The following THSD7A variants were observed in gnomAD, a reference collection of about 807,000 sequenced individuals.
The protein encoded by THSD7A is thrombospondin type 1 domain containing 7A.
Under a neutral mutation model 231.3 loss-of-function variants are expected in THSD7A, and 96 were observed. The ratio of observed to expected loss-of-function variants is 0.41; its 90% confidence interval spans 0.35 to 0.49. The LOEUF is 0.49. THSD7A is among the 20% of genes least tolerant of loss of function. The pLI is 0.05. For synonymous variants in THSD7A, 940 were observed against 743.3 expected, an observed-to-expected ratio of 1.26 and a Z score of -4.30; for missense variants, 2,290 against 2,070.2, an observed-to-expected ratio of 1.11 and a Z score of -2.06.
intron 1 of THSD7A, among the ~76,000 whole-genome samples, chr7:11,767,270 C>T (rs1383735319): frequency 1.2e-4 from 19 of 152,112 alleles, no homozygotes; most frequent in Admixed American, 8.5e-4. Context: ...CCATTTTATT[C>T]GCAACCAAAG....
chr7:11,801,133 C>CA (rs371000577), intron 1 of THSD7A, among the ~76,000 whole-genome samples: 2 of 150,232 alleles, frequency 1.3e-5, no homozygotes, highest in African/African-American at 4.9e-5. Flanking sequence ...GACCCCATTT[C>CA]AAAAAAAATT....
At chr7:11,756,534 G>C (rs1354494459) in intron 1 of THSD7A, among the ~76,000 whole-genome samples, 1 of 152,046 alleles carries the variant, frequency 6.6e-6, no homozygotes, top group East Asian at 1.9e-4. Flanking sequence ...CAGGTCCTCA[G>C]TGACCTGAAC....
At chr7:11,710,088 C>T (rs921561596) in intron 1 of THSD7A, among the ~76,000 whole-genome samples, 1 of 150,494 alleles carries the variant, frequency 6.6e-6, no homozygotes, top group Non-Finnish European at 1.5e-5. Context: ...AGAATAAATG[C>T]TATTTTTTTT....
intron 4 of THSD7A, among the ~76,000 whole-genome samples, chr7:11,580,736 A>T (rs1791121980): frequency 6.6e-6 from 1 of 151,994 alleles, no homozygotes; most frequent in African/African-American, 2.4e-5. Flanking sequence ...GTTTTGGAAG[A>T]TGGAGGGTGG....
At chr7:11,448,368 A>G (rs893393030) in intron 11 of THSD7A, among the ~76,000 whole-genome samples, 6 of 152,262 alleles carry the variant, frequency 3.9e-5, no homozygotes, top group Admixed American at 3.3e-4. Context: ...TTGGTTTTAA[A>G]AACAACTCAC....
chr7:11,607,251 G>A (rs1280465314), intron 2 of THSD7A, among the ~76,000 whole-genome samples: 1 of 151,936 alleles, frequency 6.6e-6, no homozygotes, highest in Non-Finnish European at 1.5e-5. Context: ...CTAATGAATG[G>A]GGTAGGAGGA....
At chr7:11,689,674 G>C (rs1780171143) in intron 1 of THSD7A, among the ~76,000 whole-genome samples, 1 of 151,484 alleles carries the variant, frequency 6.6e-6, no homozygotes, top group Non-Finnish European at 1.5e-5. Flanking sequence ...TTCTCCTTCA[G>C]GCAAGAAAGT....
chr7:11,674,522 C>T (rs910311870), intron 1 of THSD7A, among the ~76,000 whole-genome samples: 16 of 152,048 alleles, frequency 1.1e-4, no homozygotes, highest in African/African-American at 3.6e-4. Flanking sequence ...AAAAACATTG[C>T]TGCAAAAAGC....
chr7:11,602,821 A>G (rs980099136), intron 2 of THSD7A, among the ~76,000 whole-genome samples: 4 of 151,648 alleles, frequency 2.6e-5, no homozygotes, highest in African/African-American at 7.3e-5. Context: ...ATGAATTATT[A>G]CAATACAAGA....
At chr7:11,750,760 G>C (rs142696012) in intron 1 of THSD7A, among the ~76,000 whole-genome samples, 1 of 151,920 alleles carries the variant, frequency 6.6e-6, no homozygotes, top group East Asian at 1.9e-4. Context: ...CTAGTCTAAC[G>C]GCAGAAATAA....
Position 11,447,442 on chromosome 7 carries a change from A to T in THSD7A, c.2606-18T>A. ...AGTAATGGCTAAAAGAAAAGCATAAAGCTGTTATAACAAATTCAAACGTCT... is the reference window on the plus strand; with the variant it reads ...AGTAATGGCTAAAAGAAAAGCATAATGCTGTTATAACAAATTCAAACGTCT... On this transcript the variant is annotated intron_variant, in intron 11 of 27. Transcript: ENST00000423059. The T allele has an allele frequency of 6.6e-7, 1 of 1,510,388 alleles. No homozygotes were observed. The highest frequency in any genetic ancestry group is 2.4e-5 in the Admixed American group (1 of 41,698). The allele number at this position is 1,510,388 out of a possible 1,614,324, so 93.6% of individuals were successfully genotyped here. A position where few individuals can be genotyped will look rare whatever the true frequency, so the allele number is the denominator to read the frequency against.
chr7:11,383,134 T>TAC (rs1782590009), intron 23 of THSD7A, among the ~76,000 whole-genome samples: 1 of 151,774 alleles, frequency 6.6e-6, no homozygotes, highest in South Asian at 2.1e-4. Flanking sequence ...TTTTTCACTA[T>TAC]ACACACACGC....
chr7:11,462,630 T>C (rs1785548633), intron 9 of THSD7A, among the ~76,000 whole-genome samples: 2 of 152,204 alleles, frequency 1.3e-5, no homozygotes. Flanking sequence ...ATGCATAACT[T>C]GTAAATTATT....
intron 4 of THSD7A, among the ~76,000 whole-genome samples, chr7:11,580,713 C>T (rs931085259): frequency 6.6e-6 from 1 of 151,978 alleles, no homozygotes; most frequent in African/African-American, 2.4e-5. Context: ...AGGGGAACAA[C>T]ACGCACTGGG....
At chr7:11,525,048 C>T (rs1319449318) in intron 6 of THSD7A, among the ~76,000 whole-genome samples, 1 of 152,210 alleles carries the variant, frequency 6.6e-6, no homozygotes, top group Non-Finnish European at 1.5e-5. Context: ...ATGTTTTTCA[C>T]ATTTAATATT....
chr7:11,813,205 G>A lies in THSD7A; in HGVS notation c.190+18552C>T, dbSNP rs185894054. ...TATTGAAGACTTCACTATGCGATCAGATTAAAAACTTGTTGGCATCCTACT... is the reference window on the plus strand; with the variant it reads ...TATTGAAGACTTCACTATGCGATCAAATTAAAAACTTGTTGGCATCCTACT... On this transcript the variant is annotated intron_variant, in intron 1 of 27. Coordinates refer to ENST00000423059, the MANE Select transcript of THSD7A (RefSeq NM_015204.3). Among the ~76,000 whole-genome samples, 840 of 152,210 alleles carry A rather than the reference G, an allele frequency of 5.5e-3. 4 individuals carry two copies. Among genetic ancestry groups the A allele is most frequent in the African/African-American group, 0.019 (796 of 41,530 alleles).
chr7:11,742,242 G>C (rs559770153), intron 1 of THSD7A, among the ~76,000 whole-genome samples: 140 of 152,004 alleles, frequency 9.2e-4, no homozygotes, highest in African/African-American at 3.1e-3. Flanking sequence ...ATATTCAACA[G>C]TCTTTGATTG....
intron 1 of THSD7A, among the ~76,000 whole-genome samples, chr7:11,739,520 C>A (rs181033870): frequency 6.6e-6 from 1 of 151,858 alleles, no homozygotes; most frequent in African/African-American, 2.4e-5. Flanking sequence ...CAGATGAGTA[C>A]CATTCACTAT....
Position 11,424,608 on chromosome 7 carries a change from G to A in THSD7A, c.3383+88C>T, listed in dbSNP as rs1271101849. 20 of 1,548,086 alleles carry A rather than the reference G, an allele frequency of 1.3e-5. No individual in the cohort carries two copies. The East Asian group carries it at 2.7e-4, about 21-fold the overall frequency. ...TGCAGACAATTTTATCCAGAAGACT[G>A]GGGAGGAGTGAACAGTCATGTTGGC... is the stretch of plus-strand genomic sequence containing the variant. On this transcript the variant is annotated intron_variant, in intron 16 of 27. Coordinates refer to ENST00000423059, the MANE Select transcript of THSD7A (RefSeq NM_015204.3).
Sources: allele counts gnomAD v4.1 joint callset (sites outside exome capture counted in the v4.1 genomes callset), GRCh38; gene constraint gnomAD v4.1.1; transcripts MANE v1.5; gene names NCBI Gene and HGNC (gene_info 2026-07-23, HGNC 2026-07-21).